HMGCLL1: variants seen among roughly 807,000 people sequenced by gnomAD.
HMGCLL1 encodes the protein 3-hydroxy-3-methylglutaryl-CoA lyase like 1.
HMGCLL1 carries 36 observed loss-of-function variants against 39.1 expected under a neutral mutation model. The observed-to-expected ratio is 0.92, with a 90% CI of 0.71 to 1.22. HMGCLL1 has a LOEUF of 1.22. Ranked by LOEUF, HMGCLL1 falls within the 50% of genes most tolerant of loss-of-function variation. HMGCLL1 has a pLI of 0.00. For synonymous variants in HMGCLL1, 149 were observed against 144.0 expected, an observed-to-expected ratio of 1.03 and a Z score of -0.25; for missense variants, 451 against 416.5, an observed-to-expected ratio of 1.08 and a Z score of -0.72.
chr6:55,626,954 T>G, the HMGCLL1 span, among the ~76,000 whole-genome samples: 1 of 149,408 alleles, frequency 6.7e-6, no homozygotes, highest in Non-Finnish European at 1.5e-5. Flanking sequence ...CTATGCCCTG[T>G]GATTAAGGTC....
At chr6:55,568,527 A>G (rs1771320948) in intron 1 of HMGCLL1, among the ~76,000 whole-genome samples, 1 of 152,178 alleles carries the variant, frequency 6.6e-6, no homozygotes, top group Non-Finnish European at 1.5e-5. Context: ...AAGTTTACTT[A>G]TATTTTAACT....
At chr6:55,675,182 C>G in the HMGCLL1 span, among the ~76,000 whole-genome samples, 1 of 152,066 alleles carries the variant, frequency 6.6e-6, no homozygotes, top group African/African-American at 2.4e-5. Flanking sequence ...GGAAGTTGCA[C>G]AGGATGTGCT....
At chr6:55,605,519 T>C in the HMGCLL1 span, among the ~76,000 whole-genome samples, 3 of 152,178 alleles carry the variant, frequency 2.0e-5, no homozygotes, top group Non-Finnish European at 2.9e-5. Context: ...TTTATAGATA[T>C]TGGTGAAAAA....
At chr6:55,652,690 C>T in the HMGCLL1 span, among the ~76,000 whole-genome samples, 174 of 152,162 alleles carry the variant, frequency 1.1e-3, no homozygotes, top group African/African-American at 3.7e-3. Context: ...ATACAGCTCA[C>T]GGCCAGGGAA....
chr6:55,642,578 A>T, the HMGCLL1 span, among the ~76,000 whole-genome samples: 6 of 152,088 alleles, frequency 3.9e-5, no homozygotes, highest in Admixed American at 1.3e-4. Context: ...ATCCCCCTCA[A>T]GCATTTATCC....
At chr6:55,514,803 T>G (rs1261278315) in intron 4 of HMGCLL1, among the ~76,000 whole-genome samples, 1 of 152,172 alleles carries the variant, frequency 6.6e-6, no homozygotes, top group Non-Finnish European at 1.5e-5. Flanking sequence ...ATTTCCTTTT[T>G]GCACTTTTTG....
upstream of HMGCLL1, among the ~76,000 whole-genome samples, chr6:55,581,483 T>G (rs907431272): frequency 2.6e-5 from 4 of 152,100 alleles, no homozygotes; most frequent in Non-Finnish European, 5.9e-5. Flanking sequence ...TAAGTAAAGT[T>G]TGGTGTTAAT....
At chr6:55,625,213 T>C in the HMGCLL1 span, among the ~76,000 whole-genome samples, 1 of 152,140 alleles carries the variant, frequency 6.6e-6, no homozygotes, top group Non-Finnish European at 1.5e-5. Flanking sequence ...TGTTTGACTA[T>C]GGGTCAAGTC....
chr6:55,648,797 A>G, the HMGCLL1 span, among the ~76,000 whole-genome samples: 26 of 107,584 alleles, frequency 2.4e-4, no homozygotes, highest in East Asian at 6.8e-3. Flanking sequence ...ACAAGGAGGA[A>G]CTGGTACCAT....
the HMGCLL1 span, among the ~76,000 whole-genome samples, chr6:55,662,275 G>A: frequency 6.6e-6 from 1 of 151,906 alleles, no homozygotes; most frequent in East Asian, 1.9e-4. Flanking sequence ...GATTTTAAGT[G>A]GGAATTCTTC....
chr6:55,525,914 A>G (rs1471895132), intron 3 of HMGCLL1, among the ~76,000 whole-genome samples: 9 of 152,048 alleles, frequency 5.9e-5, no homozygotes, highest in Non-Finnish European at 1.5e-5. Flanking sequence ...CTTTACAATG[A>G]GCATTATTAT....
chr6:55,518,128 C>A (rs1767841656), intron 3 of HMGCLL1, among the ~76,000 whole-genome samples: 1 of 152,104 alleles, frequency 6.6e-6, no homozygotes, highest in South Asian at 2.1e-4. Context: ...AAGCTCTATG[C>A]TAGGTCCTGT....
the HMGCLL1 span, among the ~76,000 whole-genome samples, chr6:55,670,904 A>G: frequency 6.6e-6 from 1 of 151,878 alleles, no homozygotes; most frequent in Non-Finnish European, 1.5e-5. Flanking sequence ...AATACAAAGC[A>G]TGACCCAACC....
At position 55,445,809 on chromosome 6, in the gene HMGCLL1, G is replaced by A. The variant is rs570669787; in HGVS notation, c.796-6250C>T. Among the ~76,000 whole-genome samples, 3 of 152,112 alleles carry A rather than the reference G, an allele frequency of 2.0e-5. No homozygotes were observed. In the East Asian group the frequency reaches 5.8e-4, roughly 29 times the overall value. ...TGAAGAAAAGTCCATTTTTAGATGA[G>A]TAACCACAAGGTGGCAATATAGCAC... On this transcript the variant is annotated intron_variant, in intron 7 of 8. Transcript: ENST00000274901.
chr6:55,659,743 A>G, the HMGCLL1 span, among the ~76,000 whole-genome samples: 1 of 151,832 alleles, frequency 6.6e-6, no homozygotes, highest in Admixed American at 6.6e-5. Flanking sequence ...TCTTCACTTT[A>G]TGCTGTATTC....
chr6:55,671,105 G>A, the HMGCLL1 span, among the ~76,000 whole-genome samples: 2 of 151,788 alleles, frequency 1.3e-5, no homozygotes, highest in Non-Finnish European at 2.9e-5. Context: ...AGTGAAATTC[G>A]AAGAATGATC....
At chr6:55,537,729 T>C (rs1769112746) in intron 3 of HMGCLL1, among the ~76,000 whole-genome samples, 1 of 152,142 alleles carries the variant, frequency 6.6e-6, no homozygotes, top group African/African-American at 2.4e-5. Flanking sequence ...AGTCACTTAC[T>C]CAAGTTCAAG....
the HMGCLL1 span, among the ~76,000 whole-genome samples, chr6:55,602,553 A>G: frequency 6.6e-6 from 1 of 152,148 alleles, no homozygotes; most frequent in South Asian, 2.1e-4. Flanking sequence ...TTAGGCATTA[A>G]TCATCAAGTA....
intron 7 of HMGCLL1, among the ~76,000 whole-genome samples, chr6:55,461,864 C>T (rs1764581192): frequency 6.6e-6 from 1 of 151,978 alleles, no homozygotes; most frequent in Non-Finnish European, 1.5e-5. Flanking sequence ...TAGCACCTTG[C>T]TAATGAAAAC....
Sources: gnomAD v4.1 joint callset for allele counts (sites outside exome capture counted in the v4.1 genomes callset) on GRCh38, gnomAD v4.1.1 for gene constraint, MANE v1.5 for transcripts, NCBI Gene and HGNC (gene_info 2026-07-23, HGNC 2026-07-21) for gene names.